Variants in AGBL1 observed in about 807,000 individuals in gnomAD.
AGBL1 encodes AGBL carboxypeptidase 1.
AGBL1 carries 130 observed loss-of-function variants against 118.9 expected under a neutral mutation model. The observed-to-expected ratio is 1.09, with a 90% CI of 0.95 to 1.26. AGBL1 has a LOEUF of 1.26. Ranked by LOEUF, AGBL1 falls within the 50% of genes most tolerant of loss-of-function variation. The pLI, the probability that AGBL1 is intolerant of heterozygous loss-of-function variation, is 0.00. For missense variants in AGBL1, 1,584 were observed against 1,298.1 expected, an observed-to-expected ratio of 1.22 and a Z score of -3.38; for synonymous variants, 555 against 478.9, an observed-to-expected ratio of 1.16 and a Z score of -2.08.
chr15:86,751,064 A>G (rs963250098), intron 22 of AGBL1, among the ~76,000 whole-genome samples: 1 of 152,082 alleles, frequency 6.6e-6, no homozygotes, highest in African/African-American at 2.4e-5. Context: ...GGTTGATTCC[A>G]TGTCTTCACT....
At position 86,972,522 on chromosome 15, in the gene AGBL1, T is replaced by TCAG. The variant is rs1257680658; in HGVS notation, c.3222-15465_3222-15464insCAG. On this transcript the variant is annotated intron_variant, in intron 23 of 24. Coordinates refer to the AGBL1 transcript ENST00000441037. The stretch of plus-strand genomic sequence containing the variant: ...AAATTTATAACTTCTGATTTGAAAA[T>TCAG]AAGAATCTTATCTATCACACTTTTA... 1.1e-4 allele frequency among the ~76,000 whole-genome samples: 16 copies of TCAG among 152,160 alleles called. No homozygotes were observed. The East Asian group carries it at 2.3e-3, about 22-fold the overall frequency.
At chr15:86,998,722 C>A (rs1294136011) in intron 24 of AGBL1, among the ~76,000 whole-genome samples, 1 of 152,164 alleles carries the variant, frequency 6.6e-6, no homozygotes, top group Admixed American at 6.6e-5. Context: ...AATCATTCTG[C>A]AAAGTAAGGC....
Position 86,867,569 on chromosome 15 carries a change from G to T in AGBL1, c.3159-39518G>T, listed in dbSNP as rs115757146. On this transcript the variant is annotated intron_variant, in intron 22 of 22. Transcript: ENST00000614907. Reference sequence around the variant, plus strand: ...TTTGATGCTTTGGTGAAGACTCATTGTGTTATACTTGAAATAGAAACATGT... The same window carrying T: ...TTTGATGCTTTGGTGAAGACTCATTTTGTTATACTTGAAATAGAAACATGT... Among the ~76,000 whole-genome samples, 1,400 of 152,226 alleles carry T rather than the reference G, an allele frequency of 9.2e-3. 20 individuals carry two copies. The highest frequency in any genetic ancestry group is 0.033 in the African/African-American group (1,353 of 41,526).
chr15:86,350,503 G>T (rs1035306091), intron 17 of AGBL1, among the ~76,000 whole-genome samples: 1 of 152,208 alleles, frequency 6.6e-6, no homozygotes, highest in African/African-American at 2.4e-5. Flanking sequence ...GTAAGACAAT[G>T]TTTCTGACCC....
At chr15:86,878,564 CCTTT>C (rs1264669358) in intron 22 of AGBL1, among the ~76,000 whole-genome samples, 4 of 152,078 alleles carry the variant, frequency 2.6e-5, no homozygotes, top group African/African-American at 9.7e-5. Context: ...TTTCTCTGCT[CCTTT>C]CTTTGTTTCT....
chr15:86,782,421 C>G (rs1041626632), intron 22 of AGBL1, among the ~76,000 whole-genome samples: 1 of 152,126 alleles, frequency 6.6e-6, no homozygotes, highest in African/African-American at 2.4e-5. Flanking sequence ...ACAGGAGAGA[C>G]AGTAGGATTT....
chr15:86,728,171 T>C (rs1309771982), intron 22 of AGBL1, among the ~76,000 whole-genome samples: 5 of 152,154 alleles, frequency 3.3e-5, no homozygotes, highest in Non-Finnish European at 7.4e-5. Flanking sequence ...ATTTTATAGA[T>C]GTGATAAGTG....
At chr15:86,996,686 G>T (rs1299979259) in intron 24 of AGBL1, among the ~76,000 whole-genome samples, 1 of 152,130 alleles carries the variant, frequency 6.6e-6, no homozygotes, top group East Asian at 1.9e-4. Flanking sequence ...ATTTCAGTAG[G>T]CTTTGGAATG....
chr15:86,211,410 G>A (rs369003342), intron 5 of AGBL1, among the ~76,000 whole-genome samples: 1 of 152,188 alleles, frequency 6.6e-6, no homozygotes, highest in Non-Finnish European at 1.5e-5. Context: ...AGAAGTTTTT[G>A]CTGCCTTTTG....
intron 5 of AGBL1, among the ~76,000 whole-genome samples, chr15:86,190,696 A>G (rs541940503): frequency 6.6e-6 from 1 of 152,290 alleles, no homozygotes; most frequent in East Asian, 1.9e-4. Flanking sequence ...CCAACCGAAC[A>G]TCTGAGGGGA....
chr15:86,972,326 C>T (rs906086914), intron 23 of AGBL1, among the ~76,000 whole-genome samples: 2 of 151,882 alleles, frequency 1.3e-5, no homozygotes, highest in Non-Finnish European at 2.9e-5. Context: ...TTGCTATTTG[C>T]CCAACATATA....
chr15:86,708,738 C>A (rs1006524458), intron 22 of AGBL1, among the ~76,000 whole-genome samples: 1 of 152,054 alleles, frequency 6.6e-6, no homozygotes, highest in South Asian at 2.1e-4. Flanking sequence ...ACAATTTGAG[C>A]CTTGCTCTAT....
chr15:86,438,073 T>C (rs538284533), intron 18 of AGBL1, among the ~76,000 whole-genome samples: 1 of 152,124 alleles, frequency 6.6e-6, no homozygotes, highest in Non-Finnish European at 1.5e-5. Flanking sequence ...GCCCAACTAA[T>C]TTTTGTATTT....
At chr15:86,599,795 G>C (rs2142368510) in intron 21 of AGBL1, among the ~76,000 whole-genome samples, 1 of 152,092 alleles carries the variant, frequency 6.6e-6, no homozygotes, top group East Asian at 1.9e-4. Flanking sequence ...GAACAGTTGT[G>C]GTAAACACTA....
chr15:86,090,769 C>T (rs546753053), intron 1 of AGBL1, among the ~76,000 whole-genome samples: 1 of 152,136 alleles, frequency 6.6e-6, no homozygotes, highest in Non-Finnish European at 1.5e-5. Flanking sequence ...GCTTTTCCCC[C>T]ATGATCTAAC....
chr15:86,636,852 T>C lies in AGBL1; in HGVS notation c.2995-37421T>C, dbSNP rs1279888216. On this transcript the variant is annotated intron_variant, in intron 21 of 22. Transcript: ENST00000614907. ...CACCTATGATGACTCATAGGCACAA[T>C]TCAATTGTTTCATCCATTCATTACA... is the stretch of plus-strand genomic sequence containing the variant. Among the ~76,000 whole-genome samples the C allele has an allele frequency of 2.0e-5, 3 of 149,130 alleles. No individual in the cohort carries two copies. The Admixed American group carries it at 2.0e-4, about 10-fold the overall frequency.
intron 18 of AGBL1, among the ~76,000 whole-genome samples, chr15:86,483,343 A>C (rs1038042526): frequency 9.9e-5 from 15 of 152,086 alleles, no homozygotes; most frequent in African/African-American, 3.6e-4. Context: ...AGAGAGGGGC[A>C]GTTTAAGGTG....
chr15:86,393,464 CAA>C (rs1457993948), intron 17 of AGBL1, among the ~76,000 whole-genome samples: 3 of 152,118 alleles, frequency 2.0e-5, no homozygotes, highest in Non-Finnish European at 2.9e-5. Flanking sequence ...TCAAAAATCA[CAA>C]AGAGAGTGAT....
chr15:86,937,761 C>T (rs2080694184), intron 23 of AGBL1, among the ~76,000 whole-genome samples: 1 of 152,170 alleles, frequency 6.6e-6, no homozygotes. Context: ...ATGAGTTTAC[C>T]TATGTGGCAA....
Sources: gnomAD v4.1 joint callset for allele counts (sites outside exome capture counted in the v4.1 genomes callset) on GRCh38, gnomAD v4.1.1 for gene constraint, MANE v1.5 for transcripts, NCBI Gene and HGNC (gene_info 2026-07-23, HGNC 2026-07-21) for gene names.